CSMD3: variants seen among roughly 807,000 people sequenced by gnomAD.
The protein encoded by CSMD3 is CUB and Sushi multiple domains 3.
A neutral mutation model predicts 435.2 loss-of-function variants in CSMD3; 177 were observed. That is an observed-to-expected ratio of 0.41 (90% CI 0.36 to 0.46). The LOEUF is 0.46. Ranked by LOEUF, CSMD3 falls within the 20% of genes least tolerant of loss-of-function variation. The pLI, the probability that CSMD3 is intolerant of heterozygous loss-of-function variation, is 0.34. For synonymous variants in CSMD3, 1,656 were observed against 1,520.5 expected (o/e 1.09, Z -2.07); for missense variants, 4,265 against 4,504.6 (o/e 0.95, Z 1.52).
chr8:113,170,162 T>G (rs1049918450), intron 4 of CSMD3, among the ~76,000 whole-genome samples: 3 of 152,076 alleles, frequency 2.0e-5, no homozygotes, highest in African/African-American at 7.2e-5. Context: ...CCCTGCAAAG[T>G]TATAAATGCT....
intron 22 of CSMD3, among the ~76,000 whole-genome samples, chr8:112,605,125 A>C (rs1275962860): frequency 6.6e-6 from 1 of 152,214 alleles, no homozygotes; most frequent in Non-Finnish European, 1.5e-5. Context: ...AAAGTCAAAA[A>C]ATAATGGATG....
At chr8:112,280,301 C>T (rs1818500680) in intron 59 of CSMD3, among the ~76,000 whole-genome samples, 1 of 152,036 alleles carries the variant, frequency 6.6e-6, no homozygotes, top group African/African-American at 2.4e-5. Context: ...GACAGGGTCT[C>T]ACTCTGTCAC....
intron 13 of CSMD3, among the ~76,000 whole-genome samples, chr8:112,799,105 A>G (rs1015001166): frequency 4.6e-5 from 7 of 151,918 alleles, no homozygotes; most frequent in Admixed American, 3.9e-4. Context: ...TTTTAAATTG[A>G]GGAGGAATAT....
Position 112,337,970 on chromosome 8 carries a change from C to G in CSMD3, c.6653-239G>C, listed in dbSNP as rs191822734. 1.2e-3 allele frequency among the ~76,000 whole-genome samples: 179 copies of G among 152,244 alleles called. 1 individual carries two copies. Among genetic ancestry groups the G allele is most frequent in the Admixed American group, 4.2e-3 (64 of 15,298 alleles). On this transcript the variant is annotated intron_variant, in intron 42 of 70. Coordinates refer to ENST00000297405, the MANE Select transcript of CSMD3 (RefSeq NM_198123.2). ...TAATAAAAACGCATGCTTTCTTCAC[C>G]TACTTGTGCAACCCAACTAAATTAT...
intron 5 of CSMD3, among the ~76,000 whole-genome samples, chr8:113,063,166 A>G (rs1363443287): frequency 1.3e-5 from 2 of 151,612 alleles, no homozygotes; most frequent in Non-Finnish European, 3.0e-5. Flanking sequence ...AGCTAGAAAA[A>G]TAAAAAGTAA....
intron 13 of CSMD3, among the ~76,000 whole-genome samples, chr8:112,771,513 T>C (rs1429007801): frequency 6.6e-6 from 1 of 151,882 alleles, no homozygotes; most frequent in Non-Finnish European, 1.5e-5. Context: ...CACTCCAGCC[T>C]GGGTGACAGA....
intron 15 of CSMD3, 110 bp from the exon 16 acceptor site, chr8:112,682,746 G>A: frequency 3.6e-6 from 3 of 824,592 alleles, no homozygotes; most frequent in African/African-American, 1.7e-5. Flanking sequence ...TTAAAAGGTT[G>A]TGTTTATTTC....
At chr8:112,949,836 T>C (rs1299727862) in intron 8 of CSMD3, among the ~76,000 whole-genome samples, 1 of 152,016 alleles carries the variant, frequency 6.6e-6, no homozygotes, top group East Asian at 1.9e-4. Flanking sequence ...CTGTTCGCTG[T>C]TCTGCAATTT....
chr8:112,494,710 G>A (rs1333652258), intron 30 of CSMD3, among the ~76,000 whole-genome samples: 1 of 152,014 alleles, frequency 6.6e-6, no homozygotes. Flanking sequence ...ATTAAATAAA[G>A]ACTTGCGATT....
chr8:112,682,400 A>T (rs2131784303), intron 16 of CSMD3, 42 bp downstream of exon 16: 1 of 1,414,784 alleles, frequency 7.1e-7, no homozygotes, highest in Non-Finnish European at 1.0e-6. Context: ...TCTTGTACAT[A>T]ATGATGATGA....
At chr8:112,363,560 C>A (rs1053727566) in intron 38 of CSMD3, among the ~76,000 whole-genome samples, 6 of 151,900 alleles carry the variant, frequency 3.9e-5, no homozygotes, top group Non-Finnish European at 5.9e-5. Context: ...CCCTGGGTAC[C>A]AGGACCAGTG....
chr8:113,109,432 C>T (rs1239002320), intron 4 of CSMD3, among the ~76,000 whole-genome samples: 3 of 152,166 alleles, frequency 2.0e-5, no homozygotes, highest in African/African-American at 7.2e-5. Context: ...ATGATATCTG[C>T]TTCTAAAATA....
At position 112,383,763 on chromosome 8, in the gene CSMD3, A is replaced by G. The variant is rs76028342; in HGVS notation, c.5935-100T>C. On this transcript the variant is annotated intron_variant, in intron 36 of 70. Transcript: ENST00000297405. The stretch of plus-strand genomic sequence containing the variant: ...TTGGAAAAGAGAGTTCAAATCCTGA[A>G]CCACATAATTGTGACCCTTCATAGA... The G allele has an allele frequency of 1.1e-3, 854 of 801,038 alleles. 15 individuals carry two copies. The East Asian group carries it at 0.022, about 20-fold the overall frequency. The allele number at this position is 801,038 out of a possible 1,614,324, so 49.6% of individuals were successfully genotyped here.
At chr8:113,343,796 G>A (rs1221534715) in intron 1 of CSMD3, among the ~76,000 whole-genome samples, 2 of 152,152 alleles carry the variant, frequency 1.3e-5, no homozygotes, top group Non-Finnish European at 2.9e-5. Context: ...CTCAAGCCGG[G>A]TGCGGTGGCT....
At chr8:112,324,867 C>T (rs933206913) in intron 45 of CSMD3, among the ~76,000 whole-genome samples, 1 of 152,040 alleles carries the variant, frequency 6.6e-6, no homozygotes, top group Non-Finnish European at 1.5e-5. Flanking sequence ...TAGCAAGAGA[C>T]TACTAGAGTC....
chr8:113,343,596 G>C (rs1588559458), intron 1 of CSMD3, among the ~76,000 whole-genome samples: 2 of 152,150 alleles, frequency 1.3e-5, no homozygotes, highest in Non-Finnish European at 1.5e-5. Flanking sequence ...ATTATTGAAG[G>C]CACAAACTTA....
At chr8:112,975,410 A>T (rs751818280) in intron 7 of CSMD3, among the ~76,000 whole-genome samples, 5 of 152,128 alleles carry the variant, frequency 3.3e-5, no homozygotes, top group Non-Finnish European at 7.4e-5. Context: ...TAACATAAAA[A>T]TATCATGCAA....
chr8:113,197,873 G>T (rs187508879), intron 3 of CSMD3, among the ~76,000 whole-genome samples: 151 of 150,842 alleles, frequency 1.0e-3, no homozygotes, highest in Non-Finnish European at 1.7e-3. Flanking sequence ...TGTTCTAGGT[G>T]GACAGAACTA....
intron 1 of CSMD3, among the ~76,000 whole-genome samples, chr8:113,332,265 C>T (rs1356348344): frequency 2.0e-5 from 3 of 149,384 alleles, no homozygotes; most frequent in Non-Finnish European, 3.0e-5. Flanking sequence ...TGGTGCCTAT[C>T]CAATTTGTCC....
Sources: gnomAD v4.1 joint callset for allele counts (sites outside exome capture counted in the v4.1 genomes callset) on GRCh38, gnomAD v4.1.1 for gene constraint, MANE v1.5 for transcripts, NCBI Gene and HGNC (gene_info 2026-07-23, HGNC 2026-07-21) for gene names.